The following FCRL4 variants were observed in gnomAD, a reference collection of about 807,000 sequenced individuals.
The protein encoded by FCRL4 is Fc receptor like 4.
A neutral mutation model predicts 64.1 loss-of-function variants in FCRL4; 43 were observed. That is an observed-to-expected ratio of 0.67 (90% CI 0.53 to 0.87). The LOEUF is 0.87. Ranked by LOEUF, FCRL4 falls within the 40% of genes least tolerant of loss-of-function variation. The pLI is 0.00. For missense variants in FCRL4, 656 were observed against 613.5 expected (o/e 1.07, Z -0.73); for synonymous variants, 253 against 239.8 (o/e 1.05, Z -0.51).
intron 2 of FCRL4, among the ~76,000 whole-genome samples, chr1:157,594,634 G>A (rs1387159288): frequency 6.6e-6 from 1 of 152,074 alleles, no homozygotes; most frequent in African/African-American, 2.4e-5. Flanking sequence ...TTTTCTCCTT[G>A]GAACCTTTTT....
chr1:157,582,352 C>T (rs1191072543), intron 6 of FCRL4, among the ~76,000 whole-genome samples: 4 of 152,134 alleles, frequency 2.6e-5, no homozygotes, highest in African/African-American at 7.2e-5. Context: ...CAAGAGTGAA[C>T]AAGACGTTAA....
intron 2 of FCRL4, 143 bp downstream of exon 2, chr1:157,596,185 C>T (rs945765927): frequency 1.7e-5 from 15 of 891,028 alleles, no homozygotes; most frequent in Non-Finnish European, 2.6e-5. Context: ...GTCAGAGTCA[C>T]CACACGAGCT....
chr1:157,576,220 T>C (rs1652410055), intron 10 of FCRL4, among the ~76,000 whole-genome samples: 1 of 152,174 alleles, frequency 6.6e-6, no homozygotes, highest in South Asian at 2.1e-4. Flanking sequence ...GTTTAGCAGA[T>C]GTGATTTGGT....
chr1:157,574,644 G>C lies in FCRL4; in HGVS notation c.*880C>G, dbSNP rs1353412199. 4.8e-6 allele frequency: 1 copy of C among 208,934 alleles called. No individual in the cohort carries two copies. The highest frequency in any genetic ancestry group is 9.7e-6 in the Non-Finnish European group (1 of 102,836). The allele number at this position is 208,934 out of a possible 1,614,324, so 12.9% of individuals were successfully genotyped here. A position where few individuals can be genotyped will look rare whatever the true frequency, so the allele number is the denominator to read the frequency against. ...TCCTTTGAGAAGGGAATGGTATTTA[G>C]AGAATAAAACCTCTCTGCAAGGAGT... is the stretch of plus-strand genomic sequence containing the variant. On this transcript the variant is annotated 3_prime_UTR_variant, in exon 12 of 12. Coordinates refer to ENST00000271532, the MANE Select transcript of FCRL4 (RefSeq NM_031282.3).
chr1:157,576,909 A>C (rs1652427839), intron 10 of FCRL4, among the ~76,000 whole-genome samples: 1 of 152,190 alleles, frequency 6.6e-6, no homozygotes. Context: ...TCCTTCTCTG[A>C]GTCTTATGTG....
chr1:157,589,969 C>T (rs1216921111), intron 2 of FCRL4, among the ~76,000 whole-genome samples: 1 of 152,154 alleles, frequency 6.6e-6, no homozygotes, highest in Non-Finnish European at 1.5e-5. Context: ...CACAAGTTTT[C>T]CTTTATAAGT....
intron 2 of FCRL4, among the ~76,000 whole-genome samples, chr1:157,591,825 C>A (rs570838364): frequency 2.8e-4 from 42 of 152,198 alleles, no homozygotes; most frequent in African/African-American, 9.9e-4. Flanking sequence ...TTTCTCTGTC[C>A]TTTTCAAATG....
chr1:157,583,770 C>A (rs921677779), intron 6 of FCRL4, among the ~76,000 whole-genome samples: 18 of 152,184 alleles, frequency 1.2e-4, no homozygotes, highest in African/African-American at 3.9e-4. Context: ...CCCACCTTAG[C>A]CCAGTGCATG....
intron 2 of FCRL4, 43 bp downstream of exon 2, chr1:157,596,285 G>T: frequency 1.3e-6 from 2 of 1,585,516 alleles, no homozygotes; most frequent in South Asian, 2.2e-5. Context: ...ATAGTTATTA[G>T]GGTATCTAGA....
chr1:157,594,858 G>A (rs1652923785), intron 2 of FCRL4, among the ~76,000 whole-genome samples: 1 of 152,134 alleles, frequency 6.6e-6, no homozygotes. Flanking sequence ...GAAGCTAAAT[G>A]TTCTGTTTGG....
At chr1:157,585,357 T>TCTTC (rs1652659108) in intron 6 of FCRL4, among the ~76,000 whole-genome samples, 1 of 72,242 alleles carries the variant, frequency 1.4e-5, no homozygotes, top group Non-Finnish European at 2.7e-5. Flanking sequence ...TTTCTTTCTT[T>TCTTC]CTTTCTTTCT....
chr1:157,593,425 A>C (rs1176143273), intron 2 of FCRL4, among the ~76,000 whole-genome samples: 1 of 152,158 alleles, frequency 6.6e-6, no homozygotes, highest in South Asian at 2.1e-4. Flanking sequence ...TAAAGACAGA[A>C]GTTTGTTTCC....
At chr1:157,584,511 G>T (rs1222123681) in intron 6 of FCRL4, among the ~76,000 whole-genome samples, 3 of 150,560 alleles carry the variant, frequency 2.0e-5, no homozygotes, top group Non-Finnish European at 2.9e-5. Context: ...ACTCCACTCT[G>T]GACAACAGAG....
Position 157,573,982 on chromosome 1 carries a change from C to T in FCRL4, c.*1542G>A, listed in dbSNP as rs1436726820. The T allele has an allele frequency of 5.0e-6, 1 of 201,556 alleles. No individual in the cohort carries two copies. Among genetic ancestry groups the T allele is most frequent in the Admixed American group, 6.0e-5 (1 of 16,646 alleles). 12.5% of individuals were successfully genotyped at this position (201,556 alleles called of 1,614,324 possible). ...ATTCCTTTTGGTCGACATGTCTCGT[C>T]TCATTTAATTTATATGTCTTCTATT... On this transcript the variant is annotated 3_prime_UTR_variant, in exon 12 of 12. Coordinates refer to ENST00000271532, the MANE Select transcript of FCRL4 (RefSeq NM_031282.3).
Position 157,575,703 on chromosome 1 carries a change from T to C in FCRL4, c.1457A>G (p.Asp486Gly), listed in dbSNP as rs1652387981. 3 of 1,613,818 alleles carry C rather than the reference T, an allele frequency of 1.9e-6. No homozygotes were observed. The highest frequency in any genetic ancestry group is 2.5e-6 in the Non-Finnish European group (3 of 1,179,802). Residue 486 changes from aspartate (D) to glycine (G), a missense_variant, in exon 11 of 12, where the codon GAT (aspartate) becomes GGT (glycine). Transcript: ENST00000271532. ...EANTSRTLLE[D>G]KDVSVVYSEV... ...CTGTGGGGAAATGAAACTCACCTTA[T>C]CCTCTAGAAGTGTCCTGGAGGTATT... is the stretch of plus-strand genomic sequence containing the variant.
intron 2 of FCRL4, 150 bp from the exon 3 acceptor site, chr1:157,589,608 G>A (rs1652790949): frequency 1.0e-6 from 1 of 974,764 alleles, no homozygotes; most frequent in Admixed American, 2.6e-5. Context: ...GGTGAGCTGT[G>A]CTCACCTCCT....
At chr1:157,577,047 A>G (rs888822960) in intron 10 of FCRL4, among the ~76,000 whole-genome samples, 1 of 152,164 alleles carries the variant, frequency 6.6e-6, no homozygotes, top group Admixed American at 6.6e-5. Flanking sequence ...TGTTTCCTTG[A>G]CTCTAAGAAC....
At chr1:157,583,558 G>GCT (rs1571138378) in intron 6 of FCRL4, among the ~76,000 whole-genome samples, 1 of 151,944 alleles carries the variant, frequency 6.6e-6, no homozygotes, top group South Asian at 2.1e-4. Context: ...AGGTTGTGCT[G>GCT]CTCTCTCTCT....
chr1:157,580,291 A>G, intron 8 of FCRL4, 30 bp downstream of exon 8: 4 of 1,613,034 alleles, frequency 2.5e-6, no homozygotes, highest in Non-Finnish European at 2.5e-6. Context: ...TCGGGAAACT[A>G]AAAAGGAATG....
Sources: gnomAD v4.1 joint callset for allele counts (sites outside exome capture counted in the v4.1 genomes callset) on GRCh38, gnomAD v4.1.1 for gene constraint, MANE v1.5 for transcripts, NCBI Gene and HGNC (gene_info 2026-07-23, HGNC 2026-07-21) for gene names.